BMP7: variants seen among roughly 807,000 people sequenced by gnomAD.
BMP7 encodes the protein bone morphogenetic protein 7, also known as osteogenic protein 1.
Under a neutral mutation model 41.2 loss-of-function variants are expected in BMP7, and 12 were observed. That is an observed-to-expected ratio of 0.29 (90% CI 0.19 to 0.47). The LOEUF is 0.47. Ranked by LOEUF, BMP7 falls within the 20% of genes least tolerant of loss-of-function variation. The pLI is 0.99. For missense variants in BMP7, 467 were observed against 606.0 expected, an observed-to-expected ratio of 0.77 and a Z score of 2.41; for synonymous variants, 248 against 250.0, an observed-to-expected ratio of 0.99 and a Z score of 0.07.
chr20:57,177,356 T>G (rs1983953551), intron 4 of BMP7, among the ~76,000 whole-genome samples: 1 of 45,870 alleles, frequency 2.2e-5, no homozygotes, highest in Admixed American at 2.8e-4. Flanking sequence ...TCATCAGCAA[T>G]TTTTTTTTTG....
chr20:57,211,416 C>G (rs1013138859), intron 2 of BMP7, among the ~76,000 whole-genome samples: 1 of 150,788 alleles, frequency 6.6e-6, no homozygotes, highest in Admixed American at 6.6e-5. Flanking sequence ...CTGGCCCAGG[C>G]CCACCATCAA....
rs1983800280 is a variant in BMP7 at position 57,170,861 on chromosome 20, G to T, written c.*98C>A. 8.2e-6 allele frequency: 12 copies of T among 1,469,422 alleles called. No homozygotes were observed. The highest frequency in any genetic ancestry group is 4.7e-5 in the East Asian group (2 of 42,914). 91.0% of individuals were successfully genotyped at this position (1,469,422 alleles called of 1,614,324 possible). A position where few individuals can be genotyped will look rare whatever the true frequency, so the allele number is the denominator to read the frequency against. ...TAAAGTTGGGGATAGGGAGGGGAAG[G>T]TCTCACAAAAGGCAGTTGGTCTGCT... On this transcript the variant is annotated 3_prime_UTR_variant, in exon 7 of 7. Transcript: ENST00000395863.
chr20:57,190,427 CCGAGGGGG>C, intron 3 of BMP7, among the ~76,000 whole-genome samples: 1 of 112,774 alleles, frequency 8.9e-6, no homozygotes, highest in African/African-American at 3.1e-5. Flanking sequence ...AGTGAGGAGC[CCGAGGGGG>C]TGAGGCTGGA....
At chr20:57,177,589 C>T (rs938296825) in intron 4 of BMP7, 14 of 152,220 alleles carry the variant, frequency 9.2e-5, no homozygotes, top group African/African-American at 3.4e-4. Flanking sequence ...CTCAGGTAAT[C>T]CACCCGCCTT....
rs905964767 is a variant in BMP7, at chr20:57,191,693, G to C, written c.761-7774C>G. Reference sequence around the variant, plus strand: ...TGCAGTGAGCCGGAGATCATGTCACGGCGCTCCAGCCTGGGTGACAGAGTG... The same window carrying C: ...TGCAGTGAGCCGGAGATCATGTCACCGCGCTCCAGCCTGGGTGACAGAGTG... On this transcript the variant is annotated intron_variant, in intron 3 of 6. Coordinates refer to ENST00000395863, the MANE Select transcript of BMP7 (RefSeq NM_001719.3). 5.9e-4 allele frequency among the ~76,000 whole-genome samples: 87 copies of C among 148,484 alleles called. 1 individual carries two copies. Among genetic ancestry groups the C allele is most frequent in the Non-Finnish European group, 2.4e-4 (16 of 67,516 alleles).
chr20:57,179,719 C>T (rs566150978), intron 4 of BMP7, among the ~76,000 whole-genome samples: 45 of 152,378 alleles, frequency 3.0e-4, no homozygotes, highest in Admixed American at 7.2e-4. Context: ...CACTCACACT[C>T]AAGGACTCTG....
At chr20:57,252,151 G>A (rs1469163863) in intron 1 of BMP7, among the ~76,000 whole-genome samples, 1 of 152,178 alleles carries the variant, frequency 6.6e-6, no homozygotes, top group African/African-American at 2.4e-5. Flanking sequence ...GTGGATAGAT[G>A]TGTTCCAATA....
chr20:57,187,323 C>G (rs989124572), intron 3 of BMP7, among the ~76,000 whole-genome samples: 7 of 152,354 alleles, frequency 4.6e-5, no homozygotes, highest in Admixed American at 4.6e-4. Flanking sequence ...TCTGTCCCCC[C>G]TTTCCGTGAT....
intron 2 of BMP7, among the ~76,000 whole-genome samples, chr20:57,207,731 G>A (rs892433111): frequency 6.6e-6 from 1 of 151,476 alleles, no homozygotes; most frequent in Non-Finnish European, 1.5e-5. Context: ...GCAAAAATTG[G>A]TGCAAAAAGA....
chr20:57,254,068 GCT>G (rs2066124694), intron 1 of BMP7, among the ~76,000 whole-genome samples: 1 of 129,704 alleles, frequency 7.7e-6, no homozygotes, highest in African/African-American at 3.0e-5. Flanking sequence ...TGTCACCCAG[GCT>G]GGAGTGCAGT....
Position 57,185,113 on chromosome 20 carries a change from A to G in BMP7, c.761-1194T>C, listed in dbSNP as rs549092703. Among the ~76,000 whole-genome samples, 10 of 152,316 alleles carry G rather than the reference A, an allele frequency of 6.6e-5. No individual in the cohort carries two copies. The East Asian group carries it at 1.7e-3, about 26-fold the overall frequency. ...ACCTGGAAGCAGGGAGACCAGGTGG[A>G]GGCAACAGAATGGTCCACGTGGGAG... On this transcript the variant is annotated intron_variant, in intron 3 of 6. Transcript: ENST00000395863.
At chr20:57,204,419 G>C (rs1984688991) in intron 2 of BMP7, among the ~76,000 whole-genome samples, 2 of 152,228 alleles carry the variant, frequency 1.3e-5, no homozygotes, top group Admixed American at 1.3e-4. Flanking sequence ...ATGTGAACAA[G>C]GCTCAGAGAA....
chr20:57,255,153 G>C (rs993872700), intron 1 of BMP7, among the ~76,000 whole-genome samples: 1 of 152,032 alleles, frequency 6.6e-6, no homozygotes, highest in Admixed American at 6.6e-5. Context: ...TCTCCTCCAC[G>C]CTCCCCGCTA....
At chr20:57,196,158 G>A (rs1044110199) in intron 3 of BMP7, among the ~76,000 whole-genome samples, 17 of 152,132 alleles carry the variant, frequency 1.1e-4, no homozygotes, top group African/African-American at 4.1e-4. Flanking sequence ...CCCTTTCTTG[G>A]GACAAATGAC....
intron 1 of BMP7, among the ~76,000 whole-genome samples, chr20:57,260,395 C>T (rs2066149407): frequency 6.6e-6 from 1 of 152,174 alleles, no homozygotes; most frequent in East Asian, 1.9e-4. Context: ...GGTGTCTCCT[C>T]CCCGCTCCTG....
At chr20:57,265,024 T>C (rs1600650344) in intron 1 of BMP7, among the ~76,000 whole-genome samples, 1 of 71,750 alleles carries the variant, frequency 1.4e-5, no homozygotes, top group African/African-American at 6.5e-5. Flanking sequence ...AGAGTGAAAC[T>C]CCGTCTCAAA....
In BMP7 at chr20:57,213,426, T is replaced by A. The variant is rs1984939747; in HGVS notation, c.612-10803A>T. On this transcript the variant is annotated intron_variant, in intron 2 of 6. Coordinates refer to ENST00000395863, the MANE Select transcript of BMP7 (RefSeq NM_001719.3). This position sits in a 1 kb window ranked among gnomAD's most constrained non-coding sequence, Gnocchi z 4.4. ...CAAAATGCTCTGTGGTGAAATGAGG[T>A]TGGGAAGCACCACATGACACATTGC... Among the ~76,000 whole-genome samples the A allele has an allele frequency of 6.6e-6, 1 of 152,088 alleles. No homozygotes were observed. The highest frequency in any genetic ancestry group is 1.5e-5 in the Non-Finnish European group (1 of 68,012).
Position 57,174,600 on chromosome 20 carries a change from TC to T in BMP7, c.1035+330del, listed in dbSNP as rs1219819109. ...GTCAGAGGGCAGAGGGGGAGATGGC[TC>T]CCCAGGTATCTACATTCAAACACAC... On this transcript the variant is annotated intron_variant, in intron 5 of 6. Transcript: ENST00000395863. This position sits in a 1 kb window ranked among gnomAD's most constrained non-coding sequence, Gnocchi z 4.3. Among the ~76,000 whole-genome samples, 2 of 152,056 alleles carry T rather than the reference TC, an allele frequency of 1.3e-5. No individual in the cohort carries two copies. The highest frequency in any genetic ancestry group is 2.4e-5 in the African/African-American group (1 of 41,404).
intron 3 of BMP7, among the ~76,000 whole-genome samples, chr20:57,191,541 A>G (rs1232530257): frequency 6.6e-6 from 1 of 151,934 alleles, no homozygotes; most frequent in Non-Finnish European, 1.5e-5. Context: ...TGTAGAGACT[A>G]AAAACCCCGT....
Sources: allele counts gnomAD v4.1 joint callset (sites outside exome capture counted in the v4.1 genomes callset), GRCh38; gene constraint gnomAD v4.1.1; non-coding constraint Gnocchi (gnomAD v3.1); transcripts MANE v1.5; gene names NCBI Gene and HGNC (gene_info 2026-07-23, HGNC 2026-07-21).